The following KLHL2 variants were observed in gnomAD, a reference collection of about 807,000 sequenced individuals.
The protein encoded by KLHL2 is kelch-like protein 2.
In KLHL2, 15 loss-of-function variants were observed where a neutral mutation model predicts 75.8. That is an observed-to-expected ratio of 0.20 (90% CI 0.13 to 0.30). The LOEUF is 0.30. KLHL2 is among the 10% of genes least tolerant of loss of function. The probability of loss-of-function intolerance (pLI) is 1.00; values close to 1 mark genes in which losing one functional copy is unlikely to be tolerated. For missense variants in KLHL2, 381 were observed against 741.0 expected (o/e 0.51, Z 5.64); for synonymous variants, 214 against 251.9 (o/e 0.85, Z 1.42).
intron 5 of KLHL2, among the ~76,000 whole-genome samples, chr4:165,266,163 G>A (rs771268273): frequency 6.6e-6 from 1 of 151,954 alleles, no homozygotes; most frequent in Non-Finnish European, 1.5e-5. Flanking sequence ...TTTTTGATGG[G>A]GTTGTTTGTT....
At chr4:165,281,744 C>T (rs918551302) in intron 5 of KLHL2, among the ~76,000 whole-genome samples, 33 of 151,822 alleles carry the variant, frequency 2.2e-4, no homozygotes, top group Middle Eastern at 3.4e-3. Flanking sequence ...CATATATGTT[C>T]ATTATAGAAG....
chr4:165,225,545 AT>A (rs1470101113), intron 2 of KLHL2, among the ~76,000 whole-genome samples: 9 of 152,312 alleles, frequency 5.9e-5, no homozygotes, highest in Admixed American at 5.9e-4. Flanking sequence ...AAACTTAGAA[AT>A]TCACCATGGA....
intron 8 of KLHL2, among the ~76,000 whole-genome samples, chr4:165,305,073 G>A (rs1745624920): frequency 6.6e-6 from 1 of 152,074 alleles, no homozygotes; most frequent in East Asian, 1.9e-4. Flanking sequence ...GTCTCTACTG[G>A]AGATTCGGGA....
chr4:165,278,184 CA>C, intron 5 of KLHL2: 1 of 1,302,332 alleles, frequency 7.7e-7, no homozygotes, highest in South Asian at 1.2e-5. Flanking sequence ...ATCTGAGGTT[CA>C]AACCGCTCCA....
At chr4:165,311,130 T>C (rs1012643808) in intron 10 of KLHL2, among the ~76,000 whole-genome samples, 4 of 152,308 alleles carry the variant, frequency 2.6e-5, no homozygotes, top group Admixed American at 1.3e-4. Context: ...GTGCTGGGAT[T>C]ACAACATGTG....
chr4:165,227,047 T>C (rs1372165393), intron 2 of KLHL2, among the ~76,000 whole-genome samples: 1 of 152,232 alleles, frequency 6.6e-6, no homozygotes, highest in Non-Finnish European at 1.5e-5. Flanking sequence ...TAGTTATATG[T>C]GAACCCATAG....
At chr4:165,287,818 G>A (rs1744203112) in intron 5 of KLHL2, among the ~76,000 whole-genome samples, 2 of 152,242 alleles carry the variant, frequency 1.3e-5, no homozygotes, top group South Asian at 4.1e-4. Context: ...CGTCTTTGGA[G>A]AAACGTTTAT....
intron 1 of KLHL2, among the ~76,000 whole-genome samples, chr4:165,212,997 A>G (rs1190015212): frequency 3.3e-5 from 5 of 152,146 alleles, no homozygotes; most frequent in Non-Finnish European, 5.9e-5. Flanking sequence ...TATATCCAAA[A>G]CTGATGTTTG....
chr4:165,278,834 T>A (rs769904071), intron 5 of KLHL2: 6 of 1,541,824 alleles, frequency 3.9e-6, no homozygotes, highest in African/African-American at 1.4e-5. Context: ...TTGTCCAATC[T>A]GGAAGCACAT....
At chr4:165,318,164 A>G (rs1560836670) in intron 14 of KLHL2, among the ~76,000 whole-genome samples, 195 bp downstream of exon 14, 1 of 152,216 alleles carries the variant, frequency 6.6e-6, no homozygotes, top group Non-Finnish European at 1.5e-5. Context: ...TTCTACAGTC[A>G]TTTGTATTCA....
At chr4:165,292,850 G>A (rs1744620639) in intron 5 of KLHL2, among the ~76,000 whole-genome samples, 1 of 152,088 alleles carries the variant, frequency 6.6e-6, no homozygotes, top group Non-Finnish European at 1.5e-5. Context: ...TGACGACCTA[G>A]AAATTAACCT....
chr4:165,276,303 A>G (rs188604970), intron 5 of KLHL2, among the ~76,000 whole-genome samples: 115 of 152,264 alleles, frequency 7.6e-4, no homozygotes, highest in East Asian at 1.4e-3. Flanking sequence ...CCTTTCCACT[A>G]GGCCTATAAA....
At chr4:165,241,629 G>A (rs1374452929) in intron 4 of KLHL2, among the ~76,000 whole-genome samples, 1 of 152,044 alleles carries the variant, frequency 6.6e-6, no homozygotes, top group Middle Eastern at 3.2e-3. Flanking sequence ...TATAATATTG[G>A]GCTAGAAAGT....
At position 165,322,262 on chromosome 4, in the gene KLHL2, C is replaced by G. The variant is rs1747042276; in HGVS notation, c.*202C>G. ...CCGTGTAGGCTTTTTCTGCAATGAG[C>G]AGCAGCTGACTGAATTTTCATAAGA... On this transcript the variant is annotated 3_prime_UTR_variant, in exon 15 of 15. Coordinates refer to ENST00000226725, the MANE Select transcript of KLHL2 (RefSeq NM_007246.4). 1 of 551,168 alleles carries G rather than the reference C, an allele frequency of 1.8e-6. No homozygotes were observed. The highest frequency in any genetic ancestry group is 3.3e-5 in the Admixed American group (1 of 30,056). 34.1% of individuals were successfully genotyped at this position (551,168 alleles called of 1,614,324 possible).
intron 5 of KLHL2, among the ~76,000 whole-genome samples, chr4:165,289,045 A>T (rs551401394): frequency 6.6e-6 from 1 of 152,148 alleles, no homozygotes; most frequent in African/African-American, 2.4e-5. Context: ...TTCCTATAGA[A>T]TTTTCCATGC....
intron 4 of KLHL2, among the ~76,000 whole-genome samples, chr4:165,259,936 T>A (rs200290411): frequency 0.29 from 43,269 of 147,860 alleles, 6,969 homozygotes; most frequent in African/African-American, 0.38. Context: ...ATCTCAAAAC[T>A]TTCAGCTTGC....
chr4:165,311,268 T>A (rs1456442766), intron 10 of KLHL2, among the ~76,000 whole-genome samples, 196 bp from the exon 11 acceptor site: 1 of 152,206 alleles, frequency 6.6e-6, no homozygotes, highest in Non-Finnish European at 1.5e-5. Flanking sequence ...TAAAAGCTTA[T>A]AAATATCAGT....
At chr4:165,270,931 T>C (rs1742639455) in intron 5 of KLHL2, among the ~76,000 whole-genome samples, 1 of 152,214 alleles carries the variant, frequency 6.6e-6, no homozygotes, top group Admixed American at 6.5e-5. Flanking sequence ...TGTTTTTGTA[T>C]GCTTTGTCGA....
At chr4:165,233,207 G>T (rs1193899841) in intron 3 of KLHL2, among the ~76,000 whole-genome samples, 3 of 152,204 alleles carry the variant, frequency 2.0e-5, no homozygotes, top group Non-Finnish European at 2.9e-5. Flanking sequence ...ATTCTGTGAA[G>T]TAGTCACAGG....
Sources: allele counts gnomAD v4.1 joint callset (sites outside exome capture counted in the v4.1 genomes callset), GRCh38; gene constraint gnomAD v4.1.1; transcripts MANE v1.5; gene names NCBI Gene and HGNC (gene_info 2026-07-23, HGNC 2026-07-21).